The following CSMD2 variants were observed in gnomAD, a reference collection of about 807,000 sequenced individuals.
CSMD2 encodes the protein CUB and sushi domain-containing protein 2.
CSMD2 carries 130 observed loss-of-function variants against 398.5 expected under a neutral mutation model. The observed-to-expected ratio is 0.33, with a 90% CI of 0.28 to 0.38. The LOEUF (loss-of-function observed/expected upper bound fraction) is 0.38, where lower values mean the gene tolerates loss of function less well. Ranked by LOEUF, CSMD2 falls within the 10% of genes least tolerant of loss-of-function variation. CSMD2 has a pLI of 1.00. For missense variants in CSMD2, 3,829 were observed against 4,764.9 expected (o/e 0.80, Z 5.78); for synonymous variants, 1,828 against 1,908.5 (o/e 0.96, Z 1.10).
In CSMD2 at chr1:34,164,381, C is replaced by T. The variant is rs2148594438; in HGVS notation, c.187+530G>A. ...GGGGATGGCGGCCGCAGTCTGCAGTCGGTTCCAGAGGGGGCACCGGTTTCA... is the reference window on the plus strand; with the variant it reads ...GGGGATGGCGGCCGCAGTCTGCAGTTGGTTCCAGAGGGGGCACCGGTTTCA... On this transcript the variant is annotated intron_variant, in intron 1 of 70. Transcript: ENST00000373381. The surrounding 1 kb of genome is among the most constrained non-coding windows in gnomAD (Gnocchi z 6.2). Among the ~76,000 whole-genome samples the T allele has an allele frequency of 6.6e-6, 1 of 152,112 alleles. No homozygotes were observed.
intron 3 of CSMD2, among the ~76,000 whole-genome samples, chr1:33,937,800 T>C (rs987521474): frequency 6.6e-6 from 1 of 152,156 alleles, no homozygotes; most frequent in African/African-American, 2.4e-5. Context: ...TATTTAGCGG[T>C]TGAGGGAGTT....
chr1:33,784,053 A>C (rs1653192532), intron 12 of CSMD2, among the ~76,000 whole-genome samples: 1 of 151,800 alleles, frequency 6.6e-6, no homozygotes, highest in South Asian at 2.1e-4. Context: ...GAGACAGCTG[A>C]GAGGGAAGCC....
chr1:33,603,841 A>G (rs1640396660), intron 42 of CSMD2, among the ~76,000 whole-genome samples: 1 of 152,242 alleles, frequency 6.6e-6, no homozygotes, highest in South Asian at 2.1e-4. Flanking sequence ...AGGCAAGGTA[A>G]GAGAGAGGAA....
At chr1:33,713,146 G>A (rs1309760833) in intron 21 of CSMD2, among the ~76,000 whole-genome samples, 1 of 152,214 alleles carries the variant, frequency 6.6e-6, no homozygotes, top group African/African-American at 2.4e-5. Context: ...CTGAGGTTAA[G>A]GGGGTTTGCT....
chr1:33,572,796 TA>T, intron 49 of CSMD2, 105 bp from the exon 50 acceptor site: 1 of 822,358 alleles, frequency 1.2e-6, no homozygotes, highest in Non-Finnish European at 1.8e-6. Context: ...TAGTAAAAAC[TA>T]ATTAAAGGGT....
At chr1:33,760,814 C>A (rs187647373) in intron 13 of CSMD2, among the ~76,000 whole-genome samples, 1 of 152,034 alleles carries the variant, frequency 6.6e-6, no homozygotes, top group Admixed American at 6.5e-5. Context: ...GCTGTCTCCA[C>A]GCATGCTTCT....
chr1:33,633,474 G>C lies in CSMD2; in HGVS notation c.5148C>G (p.Asp1716Glu). 6.4e-7 allele frequency: 1 copy of C among 1,554,712 alleles called. No homozygotes were observed. Among genetic ancestry groups the C allele is most frequent in the Non-Finnish European group, 8.7e-7 (1 of 1,148,598 alleles). The stretch of plus-strand genomic sequence containing the variant: ...GGAGCCGCGAGTGCTGGCTGTGGCC[G>C]TCGTGAACCTCCACCACGTCGTTGA... ...TALNDVVEVH[D>E]GHSQHSRLLS... The change falls in exon 32 of 71, where the codon GAC becomes GAG. Residue 1716 changes from aspartate (D) to glutamate (E), a missense_variant. By Grantham distance (45) the Asp-to-Glu change is conservative. Transcript: ENST00000373381. This position sits in a 1 kb window ranked among gnomAD's most constrained non-coding sequence, Gnocchi z 5.0.
Position 33,533,705 on chromosome 1 carries a change from C to T in CSMD2, c.9991+91G>A. On this transcript the variant is annotated intron_variant, in intron 63 of 70. Coordinates refer to ENST00000373381, the MANE Select transcript of CSMD2 (RefSeq NM_001281956.2). The surrounding 1 kb of genome is among the most constrained non-coding windows in gnomAD (Gnocchi z 4.2). ...GTCGGTTCGCATGGGGAGTTGTGAA[C>T]TCCCTGTCATTCAGAGCATTCAAAC... The T allele has an allele frequency of 1.2e-6, 1 of 813,278 alleles. No individual in the cohort carries two copies. Among genetic ancestry groups the T allele is most frequent in the Non-Finnish European group, 2.1e-6 (1 of 478,488 alleles). 50.4% of individuals were successfully genotyped at this position (813,278 alleles called of 1,614,324 possible).
chr1:34,048,991 A>T (rs947556718), intron 2 of CSMD2, among the ~76,000 whole-genome samples: 4 of 152,144 alleles, frequency 2.6e-5, no homozygotes, highest in African/African-American at 9.7e-5. Context: ...TGGTCTCCAG[A>T]ACCATGGTTC....
chr1:34,149,556 C>A (rs893435842), intron 1 of CSMD2, among the ~76,000 whole-genome samples: 8 of 152,156 alleles, frequency 5.3e-5, no homozygotes, highest in Non-Finnish European at 1.0e-4. Context: ...TGATTTCTCA[C>A]CTAACAAATC....
rs140034785 is a variant in CSMD2 at position 33,835,808 on chromosome 1, A to G, written c.1034-10034T>C. Among the ~76,000 whole-genome samples the G allele has an allele frequency of 6.8e-3, 1,032 of 151,348 alleles. 14 individuals are homozygous for G. The highest frequency in any genetic ancestry group is 0.024 in the African/African-American group (974 of 41,234). ...TTTAACTTCTTTGCCATGGGTTCGA[A>G]CTTCATCCTTTAGCTCATCATAGTT... On this transcript the variant is annotated intron_variant, in intron 6 of 70. Coordinates refer to ENST00000373381, the MANE Select transcript of CSMD2 (RefSeq NM_001281956.2).
intron 13 of CSMD2, among the ~76,000 whole-genome samples, chr1:33,753,804 G>A (rs574173721): frequency 4.6e-5 from 7 of 152,356 alleles, no homozygotes; most frequent in East Asian, 1.9e-4. Context: ...GGAGTCGAGG[G>A]TTATGTTGGA....
intron 8 of CSMD2, 59 bp from the exon 9 acceptor site, chr1:33,819,896 G>A: frequency 1.3e-6 from 2 of 1,599,062 alleles, no homozygotes; most frequent in Non-Finnish European, 1.7e-6. Context: ...CCCGCCCCAA[G>A]TCCTTCCTGG....
intron 10 of CSMD2, among the ~76,000 whole-genome samples, chr1:33,802,175 G>C (rs1220374467): frequency 6.6e-6 from 1 of 152,162 alleles, no homozygotes; most frequent in African/African-American, 2.4e-5. Flanking sequence ...AACATTGCCC[G>C]AGGACATCCC....
At chr1:33,549,883 T>C (rs1309117643) in intron 56 of CSMD2, among the ~76,000 whole-genome samples, 4 of 152,170 alleles carry the variant, frequency 2.6e-5, no homozygotes, top group Admixed American at 2.6e-4. Flanking sequence ...AAATCAAGTG[T>C]CTGGACAGGA....
At chr1:34,115,911 A>T (rs1661557075) in intron 1 of CSMD2, among the ~76,000 whole-genome samples, 1 of 151,984 alleles carries the variant, frequency 6.6e-6, no homozygotes, top group Non-Finnish European at 1.5e-5. Context: ...AAAATATTTT[A>T]TGTAATCCCC....
rs189792016 is a variant in CSMD2 at position 33,986,378 on chromosome 1, A to G, written c.517+46216T>C. Among the ~76,000 whole-genome samples the G allele has an allele frequency of 2.2e-4, 34 of 152,230 alleles. No individual in the cohort carries two copies. The East Asian group carries it at 5.4e-3, about 24-fold the overall frequency. On this transcript the variant is annotated intron_variant, in intron 3 of 70. Coordinates refer to ENST00000373381, the MANE Select transcript of CSMD2 (RefSeq NM_001281956.2). ...AAGGGAAGGGAAGCTAACACGTAAC[A>G]TCCTTGGCATAGCAAGGAGTCCTCA...
intron 2 of CSMD2, among the ~76,000 whole-genome samples, chr1:34,071,336 T>C (rs1292773863): frequency 2.0e-5 from 3 of 152,240 alleles, no homozygotes; most frequent in Non-Finnish European, 4.4e-5. Context: ...GTCTTTACCA[T>C]GTCATCTAGG....
At chr1:34,080,054 C>A (rs1571034215) in intron 2 of CSMD2, among the ~76,000 whole-genome samples, 2 of 122,504 alleles carry the variant, frequency 1.6e-5, no homozygotes. Context: ...GAGAAATTGG[C>A]AAAAATGGAC....
Sources: allele counts gnomAD v4.1 joint callset (sites outside exome capture counted in the v4.1 genomes callset), GRCh38; gene constraint gnomAD v4.1.1; non-coding constraint Gnocchi (gnomAD v3.1); transcripts MANE v1.5; gene names NCBI Gene and HGNC (gene_info 2026-07-23, HGNC 2026-07-21).